Variants in CCDC146 observed in about 807,000 individuals in gnomAD.
The protein encoded by CCDC146 is coiled-coil domain containing 146, also known as coiled-coil domain-containing protein 146.
Under a neutral mutation model 119.3 loss-of-function variants are expected in CCDC146, and 92 were observed. The observed-to-expected ratio is 0.77, with a 90% confidence interval of 0.65 to 0.92. CCDC146 has a LOEUF of 0.92. Among genes scored for constraint, CCDC146 ranks in the 40% least tolerant of loss-of-function variants. The pLI is 0.00. For missense variants in CCDC146, 1,000 were observed against 1,103.0 expected (o/e 0.91, Z 1.32); for synonymous variants, 372 against 371.8 (o/e 1.00, Z -0.01).
At chr7:77,181,409 G>A (rs974700781) in intron 2 of CCDC146, among the ~76,000 whole-genome samples, 6 of 152,092 alleles carry the variant, frequency 3.9e-5, no homozygotes, top group African/African-American at 1.4e-4. Context: ...CCCTCAGGAG[G>A]GAGGAGGAGA....
At chr7:77,252,380 C>T (rs1793092756) in intron 4 of CCDC146, among the ~76,000 whole-genome samples, 1 of 152,064 alleles carries the variant, frequency 6.6e-6, no homozygotes, top group Middle Eastern at 3.2e-3. Flanking sequence ...CCAAATGCAT[C>T]ACAGTAAAAC....
intron 2 of CCDC146, among the ~76,000 whole-genome samples, chr7:77,184,892 T>C (rs904102166): frequency 4.6e-5 from 7 of 152,192 alleles, no homozygotes; most frequent in African/African-American, 1.4e-4. Flanking sequence ...TGTTTTACCT[T>C]AAGCTGAGAT....
Position 77,260,011 on chromosome 7 carries a change from A to G in CCDC146, c.761A>G (p.Glu254Gly). 1 of 1,590,210 alleles carries G rather than the reference A, an allele frequency of 6.3e-7. No individual in the cohort carries two copies. The highest frequency in any genetic ancestry group is 8.6e-7 in the Non-Finnish European group (1 of 1,161,456). ...EIEKITRKKV[E>G]MEKKKIVLEQ... ...GTGTGTGTGTGTATCCCCTACAGAG[A>G]AATGGAAAAGAAAAAAATTGTCTTG... Residue 254 changes from glutamate (E) to glycine (G), a missense_variant and splice_region_variant, in exon 8 of 19, where the codon GAA becomes GGA. This residue lies in a region of CCDC146 where 985 missense variants were observed against 1,045.3 expected (regional missense o/e 0.94). Transcript: ENST00000285871.
intron 1 of CCDC146, among the ~76,000 whole-genome samples, chr7:77,159,392 A>C (rs1167010644): frequency 6.6e-6 from 1 of 152,192 alleles, no homozygotes; most frequent in Non-Finnish European, 1.5e-5. Flanking sequence ...TATAAGTGAG[A>C]TCATATAGTA....
intron 14 of CCDC146, among the ~76,000 whole-genome samples, chr7:77,281,571 C>A (rs539981774): frequency 1.2e-4 from 18 of 152,226 alleles, no homozygotes; most frequent in African/African-American, 4.3e-4. Flanking sequence ...CATTAGAGTG[C>A]TAGACCTTGA....
At chr7:77,143,267 A>AT (rs58060623) in intron 1 of CCDC146, among the ~76,000 whole-genome samples, 1 of 151,118 alleles carries the variant, frequency 6.6e-6, no homozygotes, top group Non-Finnish European at 1.5e-5. Context: ...GGGTTGTTTG[A>AT]TTTTTTTCTT....
At chr7:77,267,733 G>T (rs572410475) in intron 9 of CCDC146, among the ~76,000 whole-genome samples, 80 of 152,184 alleles carry the variant, frequency 5.3e-4, no homozygotes, top group African/African-American at 1.8e-3. Context: ...ACAAAATTTT[G>T]TGTTCCCAGG....
chr7:77,260,720 G>C (rs531373416), intron 8 of CCDC146, among the ~76,000 whole-genome samples: 1 of 152,104 alleles, frequency 6.6e-6, no homozygotes, highest in African/African-American at 2.4e-5. Context: ...TCTGCCTCCC[G>C]GGTTCAAGTG....
intron 15 of CCDC146, among the ~76,000 whole-genome samples, chr7:77,283,790 T>C (rs1295922842): frequency 6.6e-6 from 1 of 152,216 alleles, no homozygotes; most frequent in East Asian, 1.9e-4. Flanking sequence ...GACTAGATGA[T>C]AGATCTGCTT....
rs549236846 is a variant in CCDC146, at chr7:77,142,876, T to C, written c.-12+20144T>C. ...TGTGAATAGGGCTGCAATAAACATA[T>C]GTGTGCATGTGTCTTTATAGCAGCA... On this transcript the variant is annotated intron_variant, in intron 1 of 18. Coordinates refer to ENST00000285871, the MANE Select transcript of CCDC146 (RefSeq NM_020879.3). Among the ~76,000 whole-genome samples, 17 of 151,910 alleles carry C rather than the reference T, an allele frequency of 1.1e-4. No individual in the cohort carries two copies. In the East Asian group the frequency reaches 2.9e-3, roughly 26 times the overall value.
chr7:77,228,705 T>G (rs1792564339), intron 2 of CCDC146, among the ~76,000 whole-genome samples: 1 of 152,172 alleles, frequency 6.6e-6, no homozygotes, highest in Non-Finnish European at 1.5e-5. Flanking sequence ...AAATGGTATT[T>G]CTGTCTTTAG....
At chr7:77,151,710 C>A (rs546818608) in intron 1 of CCDC146, among the ~76,000 whole-genome samples, 1 of 152,250 alleles carries the variant, frequency 6.6e-6, no homozygotes, top group Non-Finnish European at 1.5e-5. Flanking sequence ...CATTAGGTAG[C>A]ACCGTGGTTT....
At position 77,258,990 on chromosome 7, in the gene CCDC146, A is replaced by T; in HGVS notation, c.685-5A>T. The T allele has an allele frequency of 1.2e-6, 2 of 1,604,656 alleles. No individual in the cohort carries two copies. The highest frequency in any genetic ancestry group is 2.2e-5 in the South Asian group (2 of 90,270). ...TAATTTAACATGATTTCGTTTCTTT[A>T]CTAGGATGAAGTGGCCCACCATCAA... On this transcript the variant is annotated splice_polypyrimidine_tract_variant and splice_region_variant and intron_variant, in intron 6 of 18. Transcript: ENST00000285871.
At chr7:77,291,911 A>AT (rs1562864834) in intron 17 of CCDC146, among the ~76,000 whole-genome samples, 1 of 152,244 alleles carries the variant, frequency 6.6e-6, no homozygotes, top group African/African-American at 2.4e-5. Flanking sequence ...ATTATCTTAT[A>AT]TAAGCAAAGA....
intron 4 of CCDC146, among the ~76,000 whole-genome samples, chr7:77,251,209 A>T (rs1793054356): frequency 6.6e-6 from 1 of 151,958 alleles, no homozygotes; most frequent in Admixed American, 6.6e-5. Context: ...TTTTGTAGAG[A>T]TGGGATTTCA....
chr7:77,168,382 T>A (rs1791370500), intron 2 of CCDC146, among the ~76,000 whole-genome samples: 1 of 151,858 alleles, frequency 6.6e-6, no homozygotes, highest in African/African-American at 2.4e-5. Flanking sequence ...AATGGCTGAC[T>A]ATGTATTCAG....
intron 2 of CCDC146, among the ~76,000 whole-genome samples, chr7:77,197,695 T>TGAA (rs1381714326): frequency 6.6e-6 from 1 of 152,216 alleles, no homozygotes; most frequent in African/African-American, 2.4e-5. Context: ...CATAAATTCA[T>TGAA]ATTCATTTCA....
intron 2 of CCDC146, among the ~76,000 whole-genome samples, chr7:77,174,977 A>G (rs1384814276): frequency 6.6e-6 from 1 of 152,010 alleles, no homozygotes; most frequent in Non-Finnish European, 1.5e-5. Context: ...ATACACTCCA[A>G]TGGGTATTAT....
intron 2 of CCDC146, among the ~76,000 whole-genome samples, chr7:77,218,636 GTC>G (rs1792342952): frequency 6.7e-6 from 1 of 150,220 alleles, no homozygotes; most frequent in African/African-American, 2.4e-5. Flanking sequence ...TTTTGGCAGG[GTC>G]TCACTCTGTC....
Sources: allele counts gnomAD v4.1 joint callset (sites outside exome capture counted in the v4.1 genomes callset), GRCh38; gene constraint gnomAD v4.1.1; regional missense constraint gnomAD v4.1.1; transcripts MANE v1.5; gene names NCBI Gene and HGNC (gene_info 2026-07-23, HGNC 2026-07-21).